Variants in CCDC63 observed in about 807,000 individuals in gnomAD.
The protein encoded by CCDC63 is coiled-coil domain containing 63, also known as coiled-coil domain-containing protein 63.
In CCDC63, 54 loss-of-function variants were observed where a neutral mutation model predicts 63.6. The observed-to-expected ratio is 0.85, with a 90% CI of 0.68 to 1.07. CCDC63 has a LOEUF of 1.07. CCDC63 is among the 50% of genes least tolerant of loss of function. The probability of loss-of-function intolerance (pLI) is 0.00; values close to 1 mark genes in which losing one functional copy is unlikely to be tolerated. For synonymous variants in CCDC63, 253 were observed against 266.1 expected, an observed-to-expected ratio of 0.95 and a Z score of 0.48; for missense variants, 637 against 689.6, an observed-to-expected ratio of 0.92 and a Z score of 0.86.
In CCDC63 at chr12:110,853,558, A is replaced by G; in HGVS notation, c.163A>G (p.Lys55Glu). 6.2e-7 allele frequency: 1 copy of G among 1,614,228 alleles called. No homozygotes were observed. Among genetic ancestry groups the G allele is most frequent in the Non-Finnish European group, 8.5e-7 (1 of 1,180,048 alleles). Residue 55 changes from lysine (K) to glutamate (E), a missense_variant, in exon 3 of 12, where the codon AAG becomes GAG. Coordinates refer to ENST00000308208, the MANE Select transcript of CCDC63 (RefSeq NM_152591.3). ...GTCTTTTAAGTTCCGAAACCAGCAGAAGATTGCGAGTCAGTAGTAAGTGAT... is the reference window on the plus strand; with the variant it reads ...GTCTTTTAAGTTCCGAAACCAGCAGGAGATTGCGAGTCAGTAGTAAGTGAT... The part of the protein sequence containing the change: ...RKSFKFRNQQ[K>E]IASQYKEIKT...
Position 110,879,902 on chromosome 12 carries a change from A to T in CCDC63, c.490-4A>T. 2 of 1,613,972 alleles carry T rather than the reference A, an allele frequency of 1.2e-6. No homozygotes were observed. The highest frequency in any genetic ancestry group is 1.7e-6 in the Non-Finnish European group (2 of 1,179,922). ...CCTGTTTTGAAGCATGGCCCTTTCA[A>T]CAGGTCACTGTTCACTTTGACAAGA... is the stretch of plus-strand genomic sequence containing the variant. On this transcript the variant is annotated splice_polypyrimidine_tract_variant and splice_region_variant and intron_variant, in intron 5 of 11. Transcript: ENST00000308208.
At position 110,907,399 on chromosome 12, in the gene CCDC63, C is replaced by T. The variant is rs553737028; in HGVS notation, c.1615C>T (p.Arg539Trp). The T allele has an allele frequency of 4.3e-6, 7 of 1,614,000 alleles. No homozygotes were observed. Among genetic ancestry groups the T allele is most frequent in the Non-Finnish European group, 4.2e-6 (5 of 1,180,026 alleles). Residue 539 changes from arginine (R) to tryptophan (W), a missense_variant, in exon 12 of 12, where the codon CGG (arginine) becomes TGG (tryptophan). Transcript: ENST00000308208. The surrounding 1 kb of genome is among the most constrained non-coding windows in gnomAD (Gnocchi z 4.4). ...CGACAATTATATCCTGAAGGAGAAT[C>T]GGAGTAAGGAAGTGCGCGGAGACAG... ...VLDNYILKENRSKEVRGDSLP... is the reference protein window; with the variant it reads ...VLDNYILKENWSKEVRGDSLP...
intron 11 of CCDC63, among the ~76,000 whole-genome samples, chr12:110,906,532 T>G (rs1201110062): frequency 1.3e-5 from 2 of 151,932 alleles, no homozygotes; most frequent in African/African-American, 4.8e-5. Flanking sequence ...TTGCATGACT[T>G]TAGTAAGTAG....
intron 4 of CCDC63, among the ~76,000 whole-genome samples, chr12:110,864,106 G>A (rs1185868386): frequency 2.6e-5 from 4 of 152,230 alleles, no homozygotes; most frequent in Non-Finnish European, 4.4e-5. Flanking sequence ...GTCAATCACT[G>A]ACAAAGGGAA....
rs138669987 is a variant in CCDC63 at position 110,862,251 on chromosome 12, C to G, written c.369+3476C>G. On this transcript the variant is annotated intron_variant, in intron 4 of 11. Coordinates refer to ENST00000308208, the MANE Select transcript of CCDC63 (RefSeq NM_152591.3). ...CCTCAGAAGTTTCTGGGGCTCACTG[C>G]CCAGTGCAAACCATCTTTGCCCAAT... Among the ~76,000 whole-genome samples the G allele has an allele frequency of 3.9e-4, 59 of 152,300 alleles. 1 individual carries two copies. Among genetic ancestry groups the G allele is most frequent in the African/African-American group, 1.4e-3 (59 of 41,572 alleles).
In CCDC63 at chr12:110,901,051, C is replaced by G. The variant is rs983837705; in HGVS notation, c.1342+1926C>G. Reference sequence around the variant, plus strand: ...TTTATTACAGTAAAAGGGTACAGAACAAAATTGGCAAAGCAATGTGTTAGT... The same window carrying G: ...TTTATTACAGTAAAAGGGTACAGAAGAAAATTGGCAAAGCAATGTGTTAGT... On this transcript the variant is annotated intron_variant, in intron 10 of 11. Coordinates refer to ENST00000308208, the MANE Select transcript of CCDC63 (RefSeq NM_152591.3). 2.0e-5 allele frequency among the ~76,000 whole-genome samples: 3 copies of G among 152,266 alleles called. No individual in the cohort carries two copies. In the East Asian group the frequency reaches 5.8e-4, roughly 29 times the overall value.
At position 110,857,007 on chromosome 12, in the gene CCDC63, G is replaced by A. The variant is rs551912534; in HGVS notation, c.180-1579G>A. 3.3e-5 allele frequency among the ~76,000 whole-genome samples: 5 copies of A among 152,032 alleles called. No individual in the cohort carries two copies. In the South Asian group the frequency reaches 1.0e-3, roughly 32 times the overall value. ...TTCTGTAGAGACAGGGCCTCACTATGTTGTCCAGGCTGGTCGCAAACTCCT... is the reference window on the plus strand; with the variant it reads ...TTCTGTAGAGACAGGGCCTCACTATATTGTCCAGGCTGGTCGCAAACTCCT... On this transcript the variant is annotated intron_variant, in intron 3 of 11. Coordinates refer to ENST00000308208, the MANE Select transcript of CCDC63 (RefSeq NM_152591.3).
rs1023164768 is a variant in CCDC63, at chr12:110,895,184, G to T, written c.1149+2034G>T. Among the ~76,000 whole-genome samples the T allele has an allele frequency of 2.0e-5, 3 of 152,130 alleles. No individual in the cohort carries two copies. In the East Asian group the frequency reaches 5.8e-4, roughly 29 times the overall value. ...GCTGGAATGCAGTGGCACGATCTCG[G>T]TTCACTGCAACCTCCACCTCCCGGG... On this transcript the variant is annotated intron_variant, in intron 9 of 11. Transcript: ENST00000308208.
intron 4 of CCDC63, among the ~76,000 whole-genome samples, chr12:110,867,822 G>T (rs1302728511): frequency 6.6e-6 from 1 of 151,416 alleles, no homozygotes. Context: ...CCCAGTAGGG[G>T]CGGCCGGGCA....
chr12:110,852,425 A>C (rs1357380923), intron 1 of CCDC63, among the ~76,000 whole-genome samples: 2 of 151,926 alleles, frequency 1.3e-5, no homozygotes, highest in Non-Finnish European at 2.9e-5. Context: ...ACACCTGGCT[A>C]ATTTTTTTGT....
At chr12:110,906,740 C>T (rs1435754455) in intron 11 of CCDC63, among the ~76,000 whole-genome samples, 1 of 152,124 alleles carries the variant, frequency 6.6e-6, no homozygotes, top group East Asian at 1.9e-4. Context: ...AAAGCTAGGT[C>T]AGATGCCACC....
intron 4 of CCDC63, among the ~76,000 whole-genome samples, chr12:110,868,707 C>T (rs1462419092): frequency 4.0e-5 from 4 of 99,754 alleles, no homozygotes; most frequent in Non-Finnish European, 7.9e-5. Flanking sequence ...AGAGGGAGAC[C>T]GTGGGGAGAG....
At chr12:110,848,505 A>G (rs1336970749) in intron 1 of CCDC63, among the ~76,000 whole-genome samples, 1 of 152,164 alleles carries the variant, frequency 6.6e-6, no homozygotes, top group Non-Finnish European at 1.5e-5. Flanking sequence ...GAGAGTGACT[A>G]TGTATGCGCA....
At chr12:110,855,781 A>G (rs549024621) in intron 3 of CCDC63, among the ~76,000 whole-genome samples, 1 of 152,214 alleles carries the variant, frequency 6.6e-6, no homozygotes, top group African/African-American at 2.4e-5. Context: ...GGGTTTCACC[A>G]TGTTGGTCAG....
intron 4 of CCDC63, among the ~76,000 whole-genome samples, chr12:110,867,227 A>T (rs1187161028): frequency 1.3e-5 from 1 of 76,286 alleles, no homozygotes; most frequent in Non-Finnish European, 2.6e-5. Context: ...CGGGGGGCCG[A>T]CCCCCCCACC....
chr12:110,900,689 T>A (rs1402552392), intron 10 of CCDC63, among the ~76,000 whole-genome samples: 1 of 151,270 alleles, frequency 6.6e-6, no homozygotes, highest in Non-Finnish European at 1.5e-5. Flanking sequence ...AACCTCTGAC[T>A]CCCTGGTTCA....
In CCDC63 at chr12:110,881,153, G is replaced by A. The variant is rs115904738; in HGVS notation, c.710G>A (p.Arg237His). 155 of 1,612,034 alleles carry A rather than the reference G, an allele frequency of 9.6e-5. No individual in the cohort carries two copies. Among genetic ancestry groups the A allele is most frequent in the Non-Finnish European group, 1.2e-4 (144 of 1,179,600 alleles). Residue 237 changes from arginine (R) to histidine (H), a missense_variant, in exon 7 of 12, where the codon CGC becomes CAC. Transcript: ENST00000308208. The part of the protein sequence containing the change: ...AMARMAAMKD[R>H]QKKDTSQYNL... ...GCTCGAATGGCTGCCATGAAAGACCGCCAGAAGAAGGACACCTCTCAGTAC... is the reference window on the plus strand; with the variant it reads ...GCTCGAATGGCTGCCATGAAAGACCACCAGAAGAAGGACACCTCTCAGTAC...
At position 110,893,253 on chromosome 12, in the gene CCDC63, C is replaced by T. The variant is rs2071380415; in HGVS notation, c.1149+103C>T. 4 of 905,202 alleles carry T rather than the reference C, an allele frequency of 4.4e-6. No homozygotes were observed. The South Asian group carries it at 4.6e-5, about 10-fold the overall frequency. 56.1% of individuals were successfully genotyped at this position (905,202 alleles called of 1,614,324 possible). A position where few individuals can be genotyped will look rare whatever the true frequency, so the allele number is the denominator to read the frequency against. On this transcript the variant is annotated intron_variant, in intron 9 of 11. Coordinates refer to ENST00000308208, the MANE Select transcript of CCDC63 (RefSeq NM_152591.3). The stretch of plus-strand genomic sequence containing the variant: ...CTGTCCGTCGGGCATCTGTCAGCTG[C>T]TTCTCAGGAGCAGTAAGAGGTCTGC...
upstream of CCDC63, among the ~76,000 whole-genome samples, chr12:110,845,205 C>A (rs1005262591): frequency 1.3e-5 from 2 of 152,224 alleles, no homozygotes; most frequent in Admixed American, 1.3e-4. Context: ...TTAACAAGTC[C>A]TGAACCTAAT....
Sources: gnomAD v4.1 joint callset for allele counts (sites outside exome capture counted in the v4.1 genomes callset) on GRCh38, gnomAD v4.1.1 for gene constraint, Gnocchi (gnomAD v3.1) non-coding constraint, MANE v1.5 for transcripts, NCBI Gene and HGNC (gene_info 2026-07-23, HGNC 2026-07-21) for gene names.